The following CDX2 variants were observed in gnomAD, a reference collection of about 807,000 sequenced individuals.
CDX2 encodes caudal type homeobox 2, also known as homeobox protein CDX-2.
In CDX2, 7 loss-of-function variants were observed where a neutral mutation model predicts 25.5. The observed-to-expected ratio is 0.27, with a 90% CI of 0.16 to 0.52. The LOEUF is 0.52. Ranked by LOEUF, CDX2 falls within the 20% of genes least tolerant of loss-of-function variation. The pLI is 0.97. For missense variants in CDX2, 375 were observed against 431.4 expected (o/e 0.87, Z 1.16); for synonymous variants, 222 against 198.6 (o/e 1.12, Z -0.99).
intron 1 of CDX2, chr13:27,967,288 G>A (rs1270378878): frequency 2.0e-6 from 1 of 512,192 alleles, no homozygotes; most frequent in Admixed American, 2.3e-5. Flanking sequence ...CTCCCCGGTC[G>A]GCGGCATTCC....
At chr13:27,967,158 G>A (rs1869371880) in intron 1 of CDX2, 2 of 415,788 alleles carry the variant, frequency 4.8e-6, no homozygotes, top group Admixed American at 6.1e-5. Context: ...GACAGGGGCT[G>A]TAGAAAGTGG....
At chr13:27,966,590 C>A (rs2481965) in intron 1 of CDX2, among the ~76,000 whole-genome samples, 68,205 of 151,834 alleles carry the variant, frequency 0.45, 16,339 homozygotes, top group South Asian at 0.69. Flanking sequence ...TGTCTCGGAG[C>A]GACCCTTGCT....
rs1869099947 is a variant in CDX2, at chr13:27,962,468, GGCCTGGA to G, written c.*640_*646del. 4.3e-6 allele frequency: 1 copy of G among 233,316 alleles called. No homozygotes were observed. Among genetic ancestry groups the G allele is most frequent in the Admixed American group, 5.6e-5 (1 of 17,764 alleles). 14.5% of individuals were successfully genotyped at this position (233,316 alleles called of 1,614,324 possible). ...AGTCCCTGTTCGGGCCCCCTGGTCA[GGCCTGGA>G]GTCCAATAACCACCCCCTCATACCA... On this transcript the variant is annotated 3_prime_UTR_variant, in exon 3 of 3. Coordinates refer to ENST00000381020, the MANE Select transcript of CDX2 (RefSeq NM_001265.6).
Position 27,961,559 on chromosome 13 carries a change from G to C in CDX2, c.*1556C>G, listed in dbSNP as rs550367583. 6.6e-5 allele frequency among the ~76,000 whole-genome samples: 10 copies of C among 152,252 alleles called. No homozygotes were observed. The East Asian group carries it at 1.2e-3, about 18-fold the overall frequency. On this transcript the variant is annotated 3_prime_UTR_variant, in exon 3 of 3. Transcript: ENST00000381020. ...TTTGTGGGGTGATTGGGTTGGAAGG[G>C]GGGGCGCGGTCGGGGATAAGGAAAC...
Position 27,968,652 on chromosome 13 carries a change from G to C in CDX2, c.355C>G (p.Pro119Ala), listed in dbSNP as rs1351175619. Reference protein sequence around the residue: ...SPADYHPHHHPHHHPHHPAAA... With the variant: ...SPADYHPHHHAHHHPHHPAAA... ...GCCGGGTGGTGCGGGTGGTGATGCGGGTGGTGGTGCGGATGGTAGTCTGCG... is the reference window on the plus strand; with the variant it reads ...GCCGGGTGGTGCGGGTGGTGATGCGCGTGGTGGTGCGGATGGTAGTCTGCG... Residue 119 changes from proline to alanine, a missense_variant, in exon 1 of 3, where the codon CCG (proline) becomes GCG (alanine). Pro to Ala is a conservative substitution (Grantham distance 27). Transcript: ENST00000381020. 2 of 1,535,314 alleles carry C rather than the reference G, an allele frequency of 1.3e-6. No individual in the cohort carries two copies. Among genetic ancestry groups the C allele is most frequent in the East Asian group, 2.5e-5 (1 of 39,954 alleles).
In CDX2 at chr13:27,969,196, T is replaced by TCCTC; in HGVS notation, c.-194_-191dup. 1 of 555,570 alleles carries TCCTC rather than the reference T, an allele frequency of 1.8e-6. No individual in the cohort carries two copies. The highest frequency in any genetic ancestry group is 3.2e-6 in the Non-Finnish European group (1 of 317,086). 34.4% of individuals were successfully genotyped at this position (555,570 alleles called of 1,614,324 possible). On this transcript the variant is annotated 5_prime_UTR_variant, in exon 1 of 3. Transcript: ENST00000381020. ...AGGCGGTCCCTCCCTCTGGCCTGCCTCCTCCCTCCCTCCCTTTCTTCCTTC... is the reference window on the plus strand; with the variant it reads ...AGGCGGTCCCTCCCTCTGGCCTGCCTCCTCCCTCCCTCCCTCCCTTTCTTCCTTC...
chr13:27,967,420 A>T, intron 1 of CDX2: 1 of 502,204 alleles, frequency 2.0e-6, no homozygotes, highest in Non-Finnish European at 3.9e-6. Context: ...AGTGCCCATA[A>T]CCAGCGTGCC....
rs1869147113 is a variant in CDX2 at position 27,963,178 on chromosome 13, A to G, written c.879T>C (p.Pro293=). The G allele has an allele frequency of 5.6e-6, 9 of 1,614,062 alleles. No homozygotes were observed. Among genetic ancestry groups the G allele is most frequent in the Non-Finnish European group, 6.8e-6 (8 of 1,180,020 alleles). The change falls in exon 3 of 3, where the codon CCT becomes CCC. Residue 293 remains proline (P), a synonymous_variant. Transcript: ENST00000381020. ...GCCCCAGAACCCCAGGGACAGAGCC[A>G]GGCACTGAGGCTTGCAGGGAAGACA... ...SPVSSLQASV[P]GSVPGVLGPT...
rs924536018 is a variant in CDX2, at chr13:27,969,312, G to A, written c.-306C>T. On this transcript the variant is annotated 5_prime_UTR_variant, in exon 1 of 3. Coordinates refer to ENST00000381020, the MANE Select transcript of CDX2 (RefSeq NM_001265.6). ...GAGCCCCAGGCCGGCGGCCTTCCGT[G>A]ATTAACGAGTGTTTACAAGACTCTA... 6.4e-6 allele frequency: 3 copies of A among 465,840 alleles called. No individual in the cohort carries two copies. Among genetic ancestry groups the A allele is most frequent in the African/African-American group, 2.0e-5 (1 of 48,924 alleles). 28.9% of individuals were successfully genotyped at this position (465,840 alleles called of 1,614,324 possible).
Position 27,963,238 on chromosome 13 carries a change from A to G in CDX2, c.819T>C (p.Gly273=), listed in dbSNP as rs1050196. 1.9e-6 allele frequency: 3 copies of G among 1,614,124 alleles called. No homozygotes were observed. Among genetic ancestry groups the G allele is most frequent in the Non-Finnish European group, 2.5e-6 (3 of 1,179,986 alleles). Residue 273 remains glycine, a synonymous_variant, in exon 3 of 3, where the codon GGT becomes GGC. Transcript: ENST00000381020. ...PPPQPPQPQP[G]PLRSVPEPLS... is the part of the protein sequence containing the mutation. ...AGGGCTCTGGGACACTTCTCAGAGG[A>G]CCTGGCTGAGGCTGGGGAGGCTGTG... is the stretch of plus-strand genomic sequence containing the variant.
intron 1 of CDX2, 76 bp downstream of exon 1, chr13:27,968,390 C>A (rs943464932): frequency 7.3e-7 from 1 of 1,375,712 alleles, no homozygotes; most frequent in East Asian, 3.0e-5. Flanking sequence ...GCGCACTGGA[C>A]GCGCGACGCG....
rs369885345 is a variant in CDX2 at position 27,963,146 on chromosome 13, C to A, written c.911G>T (p.Gly304Val). 45 of 1,614,008 alleles carry A rather than the reference C, an allele frequency of 2.8e-5. No homozygotes were observed. In the East Asian group the frequency reaches 3.3e-4, roughly 12 times the overall value. The change falls in exon 3 of 3, where the codon GGG becomes GTG. Residue 304 changes from glycine to valine, a missense_variant. This residue lies in a region of CDX2 where 58 missense variants were observed against 59.4 expected (regional missense o/e 0.98). Transcript: ENST00000381020. The stretch of plus-strand genomic sequence containing the variant: ...GGTGACGGTGGGGTTTAGCACCCCC[C>A]CAGTTGGCCCCAGAACCCCAGGGAC... ...GSVPGVLGPT[G>V]GVLNPTVTQ is the part of the protein sequence containing the mutation.
In CDX2 at chr13:27,968,883, C is replaced by T; in HGVS notation, c.124G>A (p.Gly42Ser). 1.2e-6 allele frequency: 2 copies of T among 1,604,802 alleles called. No homozygotes were observed. The highest frequency in any genetic ancestry group is 1.3e-5 in the African/African-American group (1 of 74,846). ...VSPPQYPDYG[G>S]YHVAAAAAAA... The stretch of plus-strand genomic sequence containing the variant: ...GCAGCTGCGGCCGCCACGTGGTAAC[C>T]GCCGTAGTCCGGGTACTGCGGGGGG... The change falls in exon 1 of 3, where the codon GGT becomes AGT. Residue 42 changes from glycine to serine, a missense_variant. Transcript: ENST00000381020.
chr13:27,962,930 G>A lies in CDX2; in HGVS notation c.*185C>T. On this transcript the variant is annotated 3_prime_UTR_variant, in exon 3 of 3. Coordinates refer to ENST00000381020, the MANE Select transcript of CDX2 (RefSeq NM_001265.6). ...TGGGAAAAAGTAAAAATCTGGGAGA[G>A]TATATTTCTTGAGGCCCCAAATCCC... The A allele has an allele frequency of 1.5e-6, 1 of 647,740 alleles. No homozygotes were observed. Among genetic ancestry groups the A allele is most frequent in the Non-Finnish European group, 2.4e-6 (1 of 424,726 alleles). 40.1% of individuals were successfully genotyped at this position (647,740 alleles called of 1,614,324 possible).
In CDX2 at chr13:27,968,471, C is replaced by T. The variant is rs200106591; in HGVS notation, c.536G>A (p.Ser179Asn). 63 of 1,547,440 alleles carry T rather than the reference C, an allele frequency of 4.1e-5. No individual in the cohort carries two copies. Among genetic ancestry groups the T allele is most frequent in the Non-Finnish European group, 5.3e-5 (62 of 1,159,974 alleles). Residue 179 changes from serine to asparagine, a missense_variant, in exon 1 of 3, where the codon AGC becomes AAC. Physicochemically the swap from Ser to Asn is conservative, Grantham distance 46. Transcript: ENST00000381020. ...GGGGCGCAGCCTCTGCTTACCTTGG[C>T]TGCCGAGGGACTGCTGCGCCGGCTT... ...MRKPAQQSLG[S>N]QVKTRTKDKY...
intron 1 of CDX2, among the ~76,000 whole-genome samples, chr13:27,967,653 C>A (rs1309029150): frequency 6.6e-6 from 1 of 152,204 alleles, no homozygotes; most frequent in Non-Finnish European, 1.5e-5. Context: ...ACAGACATCC[C>A]TGACACCCTT....
In CDX2 at chr13:27,961,227, C is replaced by G. The variant is rs1448276444; in HGVS notation, c.*1888G>C. ...CAATCCTGGAGCTGTATACGCCACC[C>G]GGAAGGGCCGCGGAATTGGAGAGGT... is the stretch of plus-strand genomic sequence containing the variant. On this transcript the variant is annotated 3_prime_UTR_variant, in exon 3 of 3. Coordinates refer to ENST00000381020, the MANE Select transcript of CDX2 (RefSeq NM_001265.6). 1.3e-5 allele frequency among the ~76,000 whole-genome samples: 2 copies of G among 152,258 alleles called. No individual in the cohort carries two copies. Among genetic ancestry groups the G allele is most frequent in the African/African-American group, 2.4e-5 (1 of 41,480 alleles).
chr13:27,966,292 G>C (rs1380562245), intron 1 of CDX2, among the ~76,000 whole-genome samples: 1 of 152,218 alleles, frequency 6.6e-6, no homozygotes, highest in Non-Finnish European at 1.5e-5. Context: ...CATTTGAATG[G>C]GGCTGCGGCC....
Position 27,968,527 on chromosome 13 carries a change from G to T in CDX2, c.480C>A (p.Gly160=). The T allele has an allele frequency of 6.4e-7, 1 of 1,564,348 alleles. No homozygotes were observed. The highest frequency in any genetic ancestry group is 8.6e-7 in the Non-Finnish European group (1 of 1,166,234). ...TCCACTCGCACAGGTTCCGCCGCTG[G>T]CCGCCGGGAGACAGCTGCTCGGCGG... ...TAAAEQLSPG[G]QRRNLCEWMR... Residue 160 remains glycine, a synonymous_variant, in exon 1 of 3, where the codon GGC becomes GGA. Transcript: ENST00000381020.
Sources: allele counts gnomAD v4.1 joint callset (sites outside exome capture counted in the v4.1 genomes callset), GRCh38; gene constraint gnomAD v4.1.1; regional missense constraint gnomAD v4.1.1; transcripts MANE v1.5; gene names NCBI Gene and HGNC (gene_info 2026-07-23, HGNC 2026-07-21).